Variants in FRMPD4 observed in about 807,000 individuals in gnomAD.
FRMPD4 encodes FERM and PDZ domain containing 4, also known as FERM and PDZ domain-containing protein 4.
A neutral mutation model predicts 94.1 loss-of-function variants in FRMPD4; 22 were observed. The observed-to-expected ratio is 0.23, with a 90% confidence interval of 0.17 to 0.33. The LOEUF (loss-of-function observed/expected upper bound fraction) is 0.33. Among genes scored for constraint, FRMPD4 ranks in the 10% least tolerant of loss-of-function variants. FRMPD4 has a pLI of 1.00. For missense variants in FRMPD4, 1,111 were observed against 1,339.9 expected, an observed-to-expected ratio of 0.83 and a Z score of 2.67; for synonymous variants, 631 against 548.6, an observed-to-expected ratio of 1.15 and a Z score of -2.10.
intron 2 of FRMPD4, among the ~76,000 whole-genome samples, chrX:12,510,333 T>C (rs1052643997): frequency 3.8e-4 from 43 of 112,359 alleles, no homozygotes; most frequent in Middle Eastern, 4.6e-3. Flanking sequence ...AATGTATCAA[T>C]ATTGGTTCAT....
chrX:12,307,191 T>C (rs985230034), intron 1 of FRMPD4, among the ~76,000 whole-genome samples: 2 of 112,145 alleles, frequency 1.8e-5, no homozygotes, highest in South Asian at 7.4e-4. Flanking sequence ...GAACTGTATA[T>C]GCTGTGGAGG....
At chrX:12,644,797 C>A (rs776100345) in intron 4 of FRMPD4, among the ~76,000 whole-genome samples, 163 of 112,082 alleles carry the variant, frequency 1.5e-3, no homozygotes, top group African/African-American at 4.5e-3. Context: ...GTACCACTCA[C>A]ATTTAATCAG....
intron 4 of FRMPD4, among the ~76,000 whole-genome samples, chrX:12,637,717 G>A (rs1425395960): frequency 1.8e-5 from 2 of 110,731 alleles, no homozygotes; most frequent in African/African-American, 6.6e-5. Flanking sequence ...TCCCCTATGT[G>A]ACACTCTGCT....
At position 12,390,777 on chromosome X, in the gene FRMPD4, T is replaced by G. The variant is rs934576812; in HGVS notation, c.42-107903T>G. Among the ~76,000 whole-genome samples, 3 of 112,461 alleles carry G rather than the reference T, an allele frequency of 2.7e-5. No individual in the cohort carries two copies. The Admixed American group carries it at 2.8e-4, about 11-fold the overall frequency. On this transcript the variant is annotated intron_variant, in intron 1 of 16. Coordinates refer to ENST00000675598, the MANE Select transcript of FRMPD4 (RefSeq NM_001368397.1). ...TGGCCAATTTTTAGGGTCCAGTAGC[T>G]AAGTCTTCTTTATCTTTCCGAAATC...
intron 3 of FRMPD4, among the ~76,000 whole-genome samples, chrX:12,031,105 A>T (rs1186927093): frequency 8.9e-6 from 1 of 112,130 alleles, no homozygotes; most frequent in Non-Finnish European, 1.9e-5. Flanking sequence ...TGTTCACAGT[A>T]ATTTATGAGA....
intron 3 of FRMPD4, among the ~76,000 whole-genome samples, chrX:12,098,454 G>A (rs1244878121): frequency 8.9e-6 from 1 of 112,249 alleles, no homozygotes; most frequent in Non-Finnish European, 1.9e-5. Context: ...TAACCAAAAG[G>A]TGAGGCTATG....
At chrX:12,353,735 A>G (rs767079140) in intron 1 of FRMPD4, among the ~76,000 whole-genome samples, 97 of 112,264 alleles carry the variant, frequency 8.6e-4, no homozygotes, top group African/African-American at 2.9e-3. Flanking sequence ...GATTTTATTT[A>G]TTTGTTTATT....
intron 1 of FRMPD4, among the ~76,000 whole-genome samples, chrX:12,376,394 C>A (rs1385805493): frequency 6.2e-5 from 7 of 112,443 alleles, no homozygotes; most frequent in Non-Finnish European, 1.3e-4. Context: ...TCCCTATCAC[C>A]ACTCATGCTC....
At chrX:11,952,339 T>G (rs1176797393) in intron 3 of FRMPD4, among the ~76,000 whole-genome samples, 1 of 111,981 alleles carries the variant, frequency 8.9e-6, no homozygotes, top group Admixed American at 9.4e-5. Flanking sequence ...AGCCGCAAAA[T>G]CAACATTCCT....
chrX:12,131,340 G>T (rs943935938), intron 3 of FRMPD4, among the ~76,000 whole-genome samples: 1 of 112,192 alleles, frequency 8.9e-6, no homozygotes, highest in Non-Finnish European at 1.9e-5. Flanking sequence ...TACCAATGTA[G>T]ATGGAATCTC....
chrX:11,877,016 A>G (rs1375460962), intron 2 of FRMPD4, among the ~76,000 whole-genome samples: 1 of 112,048 alleles, frequency 8.9e-6, no homozygotes, highest in African/African-American at 3.3e-5. Context: ...AGGAGTAGCC[A>G]GTCCAAAAAG....
chrX:12,578,256 C>G (rs1208840988), intron 2 of FRMPD4, among the ~76,000 whole-genome samples: 1 of 112,639 alleles, frequency 8.9e-6, no homozygotes, highest in East Asian at 2.8e-4. Context: ...CTGGGAGGTC[C>G]CAATCTAGCT....
chrX:12,459,305 A>G (rs1303278888), intron 1 of FRMPD4, among the ~76,000 whole-genome samples: 1 of 110,677 alleles, frequency 9.0e-6, no homozygotes, highest in African/African-American at 3.3e-5. Flanking sequence ...CACCCCCACC[A>G]TTCCCAGCAT....
intron 1 of FRMPD4, among the ~76,000 whole-genome samples, chrX:12,198,744 T>A (rs1475211940): frequency 8.9e-6 from 1 of 112,316 alleles, no homozygotes; most frequent in Non-Finnish European, 1.9e-5. Flanking sequence ...AGGCTTTGTG[T>A]CACTGTGGTC....
At position 12,717,714 on chromosome X, in the gene FRMPD4, T is replaced by G. The variant is rs1272377036; in HGVS notation, c.2888T>G (p.Leu963Trp). 8.3e-7 allele frequency: 1 copy of G among 1,211,044 alleles called. No individual in the cohort carries two copies. Among genetic ancestry groups the G allele is most frequent in the Non-Finnish European group, 1.1e-6 (1 of 894,653 alleles). ...GCCTCCAAGACCCCCGCTGGGGGCTTGCCTCCAAAGTCCTCGCACGCCCTG... is the reference window on the plus strand; with the variant it reads ...GCCTCCAAGACCCCCGCTGGGGGCTGGCCTCCAAAGTCCTCGCACGCCCTG... ...FPASKTPAGGLPPKSSHALAA... is the reference protein window; with the variant it reads ...FPASKTPAGGWPPKSSHALAA... Residue 963 changes from leucine (L) to tryptophan (W), a missense_variant, in exon 16 of 17, where the codon TTG (leucine) becomes TGG (tryptophan). Physicochemically the swap from Leu to Trp is moderately conservative, Grantham distance 61 (BLOSUM62 -2). Transcript: ENST00000675598.
chrX:12,224,497 A>G (rs2056902579), intron 1 of FRMPD4, among the ~76,000 whole-genome samples: 1 of 111,739 alleles, frequency 8.9e-6, no homozygotes, highest in African/African-American at 3.3e-5. Flanking sequence ...AACAGAATTT[A>G]GAAAGGGGGA....
chrX:12,105,495 C>T (rs956516190), intron 3 of FRMPD4, among the ~76,000 whole-genome samples: 2 of 112,064 alleles, frequency 1.8e-5, no homozygotes, highest in Admixed American at 9.5e-5. Context: ...TGTTTATTTT[C>T]GGTTGTAGTA....
At chrX:12,472,205 G>T (rs6639186) in intron 1 of FRMPD4, among the ~76,000 whole-genome samples, 17,126 of 111,838 alleles carry the variant, frequency 0.15, 1,337 homozygotes, top group African/African-American at 0.3. Context: ...TGAATCCTGG[G>T]GGTCAGTGGT....
chrX:12,306,960 T>A (rs144486949), intron 1 of FRMPD4, among the ~76,000 whole-genome samples: 39 of 112,230 alleles, frequency 3.5e-4, no homozygotes, highest in African/African-American at 1.3e-3. Context: ...AAGAAGGCGT[T>A]CAGGGCCCAA....
Sources: gnomAD v4.1 joint callset for allele counts (sites outside exome capture counted in the v4.1 genomes callset) on GRCh38, gnomAD v4.1.1 for gene constraint, MANE v1.5 for transcripts, NCBI Gene and HGNC (gene_info 2026-07-23, HGNC 2026-07-21) for gene names.